GALNT18: variants seen among roughly 807,000 people sequenced by gnomAD.
GALNT18 encodes the protein polypeptide N-acetylgalactosaminyltransferase 18.
Under a neutral mutation model 69.5 loss-of-function variants are expected in GALNT18, and 44 were observed. The ratio of observed to expected loss-of-function variants is 0.63; its 90% CI spans 0.50 to 0.81. GALNT18 has a LOEUF of 0.81. Among genes scored for constraint, GALNT18 ranks in the 40% least tolerant of loss-of-function variants. The pLI is 0.00. For synonymous variants in GALNT18, 364 were observed against 318.2 expected (o/e 1.14, Z -1.53); for missense variants, 715 against 810.0 (o/e 0.88, Z 1.42).
rs1377426169 is a variant in GALNT18 at position 11,309,943 on chromosome 11, CTACTT to C, written c.1513-16755_1513-16751del. On this transcript the variant is annotated intron_variant, in intron 9 of 10. Transcript: ENST00000227756. The surrounding 1 kb of genome is among the most constrained non-coding windows in gnomAD (Gnocchi z 4.6). ...TAATTGCCCCCTTAAATAGATCTCT[CTACTT>C]ATTTCTTCCCTTCAGTCTCAAAACA... Among the ~76,000 whole-genome samples the C allele has an allele frequency of 1.3e-5, 2 of 152,140 alleles. No homozygotes were observed. Among genetic ancestry groups the C allele is most frequent in the Non-Finnish European group, 2.9e-5 (2 of 68,026 alleles).
rs774310438 is a variant in GALNT18, at chr11:11,430,603, C to G, written c.595+2018G>C. On this transcript the variant is annotated intron_variant, in intron 3 of 10. Transcript: ENST00000227756. The surrounding 1 kb of genome is among the most constrained non-coding windows in gnomAD (Gnocchi z 4.9). ...GACGGACTACTGCACCAGGGCATTG[C>G]TCCTGCTGCCTGCCTCTTCTGGGGC... 4.6e-5 allele frequency among the ~76,000 whole-genome samples: 7 copies of G among 152,218 alleles called. No homozygotes were observed. The highest frequency in any genetic ancestry group is 1.0e-4 in the Non-Finnish European group (7 of 68,040).
intron 1 of GALNT18, among the ~76,000 whole-genome samples, chr11:11,544,285 G>A (rs1014191534): frequency 1.3e-5 from 2 of 152,206 alleles, no homozygotes; most frequent in African/African-American, 4.8e-5. Context: ...AGCCAGGACT[G>A]CTAGGTCCTG....
chr11:11,594,854 CAT>C (rs376544063), intron 1 of GALNT18, among the ~76,000 whole-genome samples: 46,102 of 129,940 alleles, frequency 0.35, 8,661 homozygotes, highest in Non-Finnish European at 0.41. Context: ...CATATACATA[CAT>C]ACACACACAT....
At chr11:11,326,158 C>A (rs533943142) in intron 9 of GALNT18, among the ~76,000 whole-genome samples, 4 of 151,112 alleles carry the variant, frequency 2.6e-5, no homozygotes, top group Non-Finnish European at 5.9e-5. Context: ...CATTCTCCTG[C>A]GTCAGCCTCC....
chr11:11,310,470 T>C (rs1849652325), intron 9 of GALNT18, among the ~76,000 whole-genome samples: 1 of 152,228 alleles, frequency 6.6e-6, no homozygotes. Flanking sequence ...TGCGGAGATG[T>C]AAATCTATTC....
intron 1 of GALNT18, among the ~76,000 whole-genome samples, chr11:11,451,731 G>A (rs1855804668): frequency 6.6e-6 from 1 of 152,066 alleles, no homozygotes; most frequent in African/African-American, 2.4e-5. Context: ...TTCTTACAAG[G>A]GACTCAATCG....
intron 10 of GALNT18, among the ~76,000 whole-genome samples, chr11:11,291,770 G>A (rs77801841): frequency 0.011 from 1,672 of 152,230 alleles, 41 homozygotes; most frequent in African/African-American, 0.038. Flanking sequence ...CTGCTTTCTA[G>A]CTAGCTCCTA....
At chr11:11,468,542 A>G (rs937030657) in intron 1 of GALNT18, among the ~76,000 whole-genome samples, 1 of 25,718 alleles carries the variant, frequency 3.9e-5, no homozygotes, top group Non-Finnish European at 9.1e-5. Flanking sequence ...AAACAGATGG[A>G]AAAAAAAAAG....
At chr11:11,466,314 C>T (rs1316625376) in intron 1 of GALNT18, among the ~76,000 whole-genome samples, 2 of 152,232 alleles carry the variant, frequency 1.3e-5, no homozygotes, top group African/African-American at 2.4e-5. Flanking sequence ...CCCTACCCTC[C>T]TTTCATGTTA....
chr11:11,399,172 C>T (rs192972622), intron 3 of GALNT18, among the ~76,000 whole-genome samples: 1 of 152,240 alleles, frequency 6.6e-6, no homozygotes, highest in Admixed American at 6.5e-5. Flanking sequence ...TTCTCTCTCT[C>T]TTTCTCTCTC....
chr11:11,442,366 A>G (rs752316581), intron 2 of GALNT18, among the ~76,000 whole-genome samples: 23 of 152,316 alleles, frequency 1.5e-4, no homozygotes, highest in Non-Finnish European at 2.4e-4. Flanking sequence ...ATCGGCAACC[A>G]TAGATCCCCC....
rs1371421385 is a variant in GALNT18, at chr11:11,543,510, T to C, written c.235+77849A>G. On this transcript the variant is annotated intron_variant, in intron 1 of 10. Coordinates refer to ENST00000227756, the MANE Select transcript of GALNT18 (RefSeq NM_198516.3). This position sits in a 1 kb window ranked among gnomAD's most constrained non-coding sequence, Gnocchi z 5.1. ...CACCACCCACCAAGAGCCTGGCTTC[T>C]GCACAGGACACCATTCACCAAGTGC... Among the ~76,000 whole-genome samples, 1 of 152,122 alleles carries C rather than the reference T, an allele frequency of 6.6e-6. No homozygotes were observed. Among genetic ancestry groups the C allele is most frequent in the Non-Finnish European group, 1.5e-5 (1 of 68,010 alleles).
chr11:11,561,697 A>C lies in GALNT18; in HGVS notation c.235+59662T>G, dbSNP rs376525634. 9.9e-5 allele frequency among the ~76,000 whole-genome samples: 15 copies of C among 152,212 alleles called. No individual in the cohort carries two copies. The East Asian group carries it at 2.3e-3, about 23-fold the overall frequency. ...CCAGCGATCTTCCCCAAAGTCTTGC[A>C]GGTGTCATGGGTGTGGTTTCCCAGG... On this transcript the variant is annotated intron_variant, in intron 1 of 10. Coordinates refer to ENST00000227756, the MANE Select transcript of GALNT18 (RefSeq NM_198516.3).
intron 1 of GALNT18, among the ~76,000 whole-genome samples, chr11:11,531,545 G>A (rs1857647911): frequency 6.6e-6 from 1 of 152,242 alleles, no homozygotes; most frequent in African/African-American, 2.4e-5. Context: ...TCCTCAGTAA[G>A]GCTCAGCCAA....
chr11:11,301,040 G>A (rs1281095061), intron 9 of GALNT18, among the ~76,000 whole-genome samples: 1 of 152,180 alleles, frequency 6.6e-6, no homozygotes, highest in African/African-American at 2.4e-5. Flanking sequence ...ATCCCTATCT[G>A]CAGGGCAAGG....
At chr11:11,359,973 C>A (rs930611027) in intron 6 of GALNT18, among the ~76,000 whole-genome samples, 2 of 152,258 alleles carry the variant, frequency 1.3e-5, no homozygotes, top group Admixed American at 6.5e-5. Flanking sequence ...TAATAATACA[C>A]ACAAGTGATT....
At chr11:11,561,783 T>C (rs976324562) in intron 1 of GALNT18, among the ~76,000 whole-genome samples, 53 of 152,292 alleles carry the variant, frequency 3.5e-4, no homozygotes, top group Middle Eastern at 3.4e-3. Context: ...GAGTGGCCCA[T>C]TGGGCAGAGC....
At chr11:11,322,019 G>A (rs1355771058) in intron 9 of GALNT18, among the ~76,000 whole-genome samples, 1 of 152,196 alleles carries the variant, frequency 6.6e-6, no homozygotes, top group Non-Finnish European at 1.5e-5. Context: ...CACTGAACAG[G>A]AGTCAGGGTT....
chr11:11,553,242 G>T (rs1487394080), intron 1 of GALNT18, among the ~76,000 whole-genome samples: 1 of 152,208 alleles, frequency 6.6e-6, no homozygotes, highest in Non-Finnish European at 1.5e-5. Flanking sequence ...ACCGCTTCCT[G>T]CTTCCAGATT....
Sources: gnomAD v4.1 joint callset for allele counts (sites outside exome capture counted in the v4.1 genomes callset) on GRCh38, gnomAD v4.1.1 for gene constraint, Gnocchi (gnomAD v3.1) non-coding constraint, MANE v1.5 for transcripts, NCBI Gene and HGNC (gene_info 2026-07-23, HGNC 2026-07-21) for gene names.